TSHZ2: variants seen among roughly 807,000 people sequenced by gnomAD.
The protein encoded by TSHZ2 is teashirt zinc finger homeobox 2.
Under a neutral mutation model 74.4 loss-of-function variants are expected in TSHZ2, and 21 were observed. The ratio of observed to expected loss-of-function variants is 0.28; its 90% CI spans 0.20 to 0.41. The LOEUF (loss-of-function observed/expected upper bound fraction) is 0.41, where lower values mean the gene tolerates loss of function less well. Among genes scored for constraint, TSHZ2 ranks in the 10% least tolerant of loss-of-function variants. The pLI, the probability that TSHZ2 is intolerant of heterozygous loss-of-function variation, is 1.00. For synonymous variants in TSHZ2, 540 were observed against 515.3 expected (o/e 1.05, Z -0.65); for missense variants, 1,244 against 1,293.5 (o/e 0.96, Z 0.59).
intron 2 of TSHZ2, among the ~76,000 whole-genome samples, chr20:53,447,283 G>A (rs1398972424): frequency 6.6e-6 from 1 of 152,186 alleles, no homozygotes; most frequent in Non-Finnish European, 1.5e-5. Flanking sequence ...ACAGGCTGGT[G>A]CAAGAAGGAG....
intron 1 of TSHZ2, among the ~76,000 whole-genome samples, chr20:53,225,167 C>A (rs192276635): frequency 1.3e-4 from 20 of 152,196 alleles, no homozygotes; most frequent in Non-Finnish European, 1.9e-4. Flanking sequence ...CCATAGGTGG[C>A]CAATCCCAGG....
At chr20:53,298,284 C>CA (rs770759798) in intron 2 of TSHZ2, among the ~76,000 whole-genome samples, 19 of 152,176 alleles carry the variant, frequency 1.2e-4, no homozygotes, top group Non-Finnish European at 1.8e-4. Flanking sequence ...AGAGAACAAA[C>CA]ACGTAAACAA....
intron 1 of TSHZ2, among the ~76,000 whole-genome samples, chr20:53,101,689 T>G (rs1986222988): frequency 1.3e-5 from 2 of 152,340 alleles, no homozygotes; most frequent in Admixed American, 6.5e-5. Flanking sequence ...CCTTTTGTGG[T>G]TCTTTGCTAA....
chr20:53,062,261 A>G (rs528974197), intron 1 of TSHZ2, among the ~76,000 whole-genome samples: 7 of 152,356 alleles, frequency 4.6e-5, no homozygotes, highest in Admixed American at 2.0e-4. Context: ...GACAATCACC[A>G]GGAAACTGCT....
chr20:52,992,325 A>G (rs1982024148), intron 1 of TSHZ2, among the ~76,000 whole-genome samples: 1 of 152,210 alleles, frequency 6.6e-6, no homozygotes, highest in Non-Finnish European at 1.5e-5. Context: ...TACCCCAGTT[A>G]TTTATACTCA....
chr20:53,455,012 C>T (rs1312079994), intron 2 of TSHZ2, among the ~76,000 whole-genome samples: 1 of 152,180 alleles, frequency 6.6e-6, no homozygotes, highest in Non-Finnish European at 1.5e-5. Flanking sequence ...AGTTATATTT[C>T]TTCCCTGCTA....
At chr20:53,224,602 C>T (rs1230916370) in intron 1 of TSHZ2, among the ~76,000 whole-genome samples, 1 of 152,160 alleles carries the variant, frequency 6.6e-6, no homozygotes. Context: ...GTAATCCCAG[C>T]ACTTTGGGAG....
chr20:53,026,249 G>A (rs1043130914), intron 1 of TSHZ2, among the ~76,000 whole-genome samples: 1 of 152,010 alleles, frequency 6.6e-6, no homozygotes, highest in Admixed American at 6.6e-5. Flanking sequence ...CTGCCCTCCT[G>A]TGACCTGTCT....
intron 2 of TSHZ2, among the ~76,000 whole-genome samples, chr20:53,335,873 C>T (rs1191551793): frequency 6.6e-6 from 1 of 152,198 alleles, no homozygotes; most frequent in Non-Finnish European, 1.5e-5. Context: ...TCTTATTAAA[C>T]ATCGCTATCA....
chr20:53,247,822 T>G (rs1990241580), intron 1 of TSHZ2, among the ~76,000 whole-genome samples: 1 of 152,236 alleles, frequency 6.6e-6, no homozygotes, highest in Non-Finnish European at 1.5e-5. Flanking sequence ...AAAATCAGCC[T>G]TCTTGAGTTT....
chr20:53,379,897 A>AGCCAAAGCAGAAAAATC (rs1981795630), intron 2 of TSHZ2, among the ~76,000 whole-genome samples: 1 of 152,362 alleles, frequency 6.6e-6, no homozygotes, highest in South Asian at 2.1e-4. Context: ...TAACATCGTG[A>AGCCAAAGCAGAAAAATC]GCCAAAGCAG....
At chr20:53,052,159 G>A (rs1984491786) in intron 1 of TSHZ2, among the ~76,000 whole-genome samples, 1 of 152,046 alleles carries the variant, frequency 6.6e-6, no homozygotes, top group South Asian at 2.1e-4. Flanking sequence ...CCAGATCCTG[G>A]CAACCACTAT....
chr20:53,254,415 G>T lies in TSHZ2; in HGVS notation c.957G>T (p.Pro319=). The T allele has an allele frequency of 6.2e-7, 1 of 1,613,422 alleles. No individual in the cohort carries two copies. Residue 319 remains proline (P), a synonymous_variant, in exon 2 of 3, where the codon CCG becomes CCT. Transcript: ENST00000371497. Reference sequence around the variant, plus strand: ...CCATTTCCTCGAAAATGGTCACCCCGGCTAAGAAACGCGTTTTTGATGTCA... The same window carrying T: ...CCATTTCCTCGAAAATGGTCACCCCTGCTAAGAAACGCGTTTTTGATGTCA... ...VPTISSKMVT[P]AKKRVFDVNR... is the part of the protein sequence containing the mutation.
At chr20:53,040,689 A>C (rs1984006581) in intron 1 of TSHZ2, among the ~76,000 whole-genome samples, 1 of 152,002 alleles carries the variant, frequency 6.6e-6, no homozygotes, top group Non-Finnish European at 1.5e-5. Context: ...ACCTGGTGGC[A>C]GGGTCCATTT....
At chr20:53,380,990 T>C (rs544070423) in intron 2 of TSHZ2, among the ~76,000 whole-genome samples, 2 of 152,352 alleles carry the variant, frequency 1.3e-5, no homozygotes, top group African/African-American at 2.4e-5. Context: ...GTCCATCCTA[T>C]GCAGAATCCT....
chr20:53,181,083 C>T (rs1460979270), intron 1 of TSHZ2, among the ~76,000 whole-genome samples: 1 of 152,186 alleles, frequency 6.6e-6, no homozygotes, highest in Non-Finnish European at 1.5e-5. Flanking sequence ...CCCAGCTCTT[C>T]GCTGTCTCAG....
At chr20:53,156,202 A>C (rs768894039) in intron 1 of TSHZ2, among the ~76,000 whole-genome samples, 42 of 152,144 alleles carry the variant, frequency 2.8e-4, no homozygotes, top group Admixed American at 1.3e-4. Flanking sequence ...CTTTTTACCC[A>C]TATCTCTATC....
Position 53,424,559 on chromosome 20 carries a change from CT to C in TSHZ2, c.*9-62575del, listed in dbSNP as rs11392358. On this transcript the variant is annotated intron_variant, in intron 2 of 2. Coordinates refer to ENST00000371497, the MANE Select transcript of TSHZ2 (RefSeq NM_173485.6). Reference sequence around the variant, plus strand: ...GGCAGGAAGAAATATTGACCAACCTCTTTTTTTTTTAAATTTTTTTAATTTC... The same window carrying C: ...GGCAGGAAGAAATATTGACCAACCTCTTTTTTTTTAAATTTTTTTAATTTC... 3.9e-4 allele frequency among the ~76,000 whole-genome samples: 58 copies of C among 150,312 alleles called. 2 individuals are homozygous for C. The highest frequency in any genetic ancestry group is 2.1e-3 in the Admixed American group (32 of 15,050).
intron 1 of TSHZ2, among the ~76,000 whole-genome samples, chr20:52,987,460 C>G (rs899928025): frequency 7.4e-5 from 11 of 149,544 alleles, no homozygotes; most frequent in African/African-American, 2.2e-4. Flanking sequence ...TCTCTCTCCT[C>G]TCTCTCTCTC....
Sources: gnomAD v4.1 joint callset for allele counts (sites outside exome capture counted in the v4.1 genomes callset) on GRCh38, gnomAD v4.1.1 for gene constraint, MANE v1.5 for transcripts, NCBI Gene and HGNC (gene_info 2026-07-23, HGNC 2026-07-21) for gene names.